The following SPAG17 variants were observed in gnomAD, a reference collection of about 807,000 sequenced individuals.
SPAG17 encodes the protein sperm associated antigen 17, also known as sperm-associated antigen 17.
In SPAG17, 169 loss-of-function variants were observed where a neutral mutation model predicts 273.6. The observed-to-expected ratio is 0.62, with a 90% CI of 0.55 to 0.70. The LOEUF (loss-of-function observed/expected upper bound fraction) is 0.70. SPAG17 is among the 30% of genes least tolerant of loss of function. The pLI is 0.00. For synonymous variants in SPAG17, 825 were observed against 873.2 expected (o/e 0.94, Z 0.97); for missense variants, 2,557 against 2,627.8 (o/e 0.97, Z 0.59).
At chr1:118,153,802 A>G (rs1570792338) in intron 1 of SPAG17, among the ~76,000 whole-genome samples, 1 of 152,104 alleles carries the variant, frequency 6.6e-6, no homozygotes, top group South Asian at 2.1e-4. Flanking sequence ...CTGAGATCGC[A>G]CCACTGCACT....
At chr1:118,116,937 GC>G (rs1043531351) in intron 3 of SPAG17, among the ~76,000 whole-genome samples, 13 of 152,240 alleles carry the variant, frequency 8.5e-5, no homozygotes, top group African/African-American at 3.1e-4. Flanking sequence ...GAAAAACATA[GC>G]AGTACACCTG....
In SPAG17 at chr1:117,981,313, G is replaced by A; in HGVS notation, c.5961C>T (p.Phe1987=). The A allele has an allele frequency of 6.3e-7, 1 of 1,596,942 alleles. No individual in the cohort carries two copies. Among genetic ancestry groups the A allele is most frequent in the Admixed American group, 1.8e-5 (1 of 54,096 alleles). The stretch of plus-strand genomic sequence containing the variant: ...AATTTTCAGTTTGGTTCTGAGCAGT[G>A]AAATCCTTCTTATCTGCAGAAATCT... ...KPEISADKKD[F]TAQNQTENLT... The change falls in exon 43 of 49, where the codon TTC becomes TTT. Residue 1987 remains phenylalanine (F), a synonymous_variant. Transcript: ENST00000336338.
At chr1:118,036,579 A>G (rs545335960) in intron 24 of SPAG17, 191 bp downstream of exon 24, 1 of 391,114 alleles carries the variant, frequency 2.6e-6, no homozygotes, top group East Asian at 4.2e-5. Context: ...ATATATATAT[A>G]TACTGTATAC....
chr1:118,054,702 A>G (rs1651455268), intron 19 of SPAG17, among the ~76,000 whole-genome samples: 1 of 152,074 alleles, frequency 6.6e-6, no homozygotes. Flanking sequence ...TTTTTTTAAA[A>G]AATATAGTCC....
At chr1:118,184,970 A>T in intron 1 of SPAG17, 101 bp downstream of exon 1, 1 of 975,168 alleles carries the variant, frequency 1.0e-6, no homozygotes, top group Non-Finnish European at 1.6e-6. Flanking sequence ...CCACGGAGAG[A>T]TACGGAAGAG....
At position 118,163,387 on chromosome 1, in the gene SPAG17, T is replaced by C. The variant is rs528103900; in HGVS notation, c.88-12018A>G. On this transcript the variant is annotated intron_variant, in intron 1 of 48. Transcript: ENST00000336338. Reference sequence around the variant, plus strand: ...GTCCTGCTTGTCCACTGTCTGTCTATGTGGTGACCTCATTCCCACTGCCTG... The same window carrying C: ...GTCCTGCTTGTCCACTGTCTGTCTACGTGGTGACCTCATTCCCACTGCCTG... Among the ~76,000 whole-genome samples, 459 of 152,260 alleles carry C rather than the reference T, an allele frequency of 3.0e-3. 3 individuals carry two copies. Among genetic ancestry groups the C allele is most frequent in the African/African-American group, 0.011 (438 of 41,542 alleles).
rs764442663 is a variant in SPAG17 at position 117,966,780 on chromosome 1, C to G, written c.6388-27G>C. ...TATAAGACACAAGGTAGCTTTAGGA[C>G]CAGACAACTCTGAGTTCAAACCTTG... On this transcript the variant is annotated intron_variant, in intron 46 of 48. Transcript: ENST00000336338. 5 of 1,571,112 alleles carry G rather than the reference C, an allele frequency of 3.2e-6. No individual in the cohort carries two copies. In the East Asian group the frequency reaches 1.1e-4, roughly 36 times the overall value.
At chr1:118,120,533 A>G (rs965745145) in intron 3 of SPAG17, among the ~76,000 whole-genome samples, 12 of 152,314 alleles carry the variant, frequency 7.9e-5, no homozygotes, top group African/African-American at 2.9e-4. Flanking sequence ...TTATTAATGC[A>G]GGAGATGCTT....
At chr1:118,019,895 AT>A (rs1269553071) in intron 28 of SPAG17, among the ~76,000 whole-genome samples, 5 of 152,228 alleles carry the variant, frequency 3.3e-5, no homozygotes, top group African/African-American at 1.2e-4. Context: ...ACATAAAGAC[AT>A]TTTTAGAAAT....
At chr1:118,172,696 C>T (rs1170044114) in intron 1 of SPAG17, among the ~76,000 whole-genome samples, 1 of 152,050 alleles carries the variant, frequency 6.6e-6, no homozygotes, top group African/African-American at 2.4e-5. Context: ...ACAAAAGGCC[C>T]ATATTTTAAT....
At chr1:117,974,489 A>G (rs995111171) in intron 43 of SPAG17, among the ~76,000 whole-genome samples, 7 of 152,158 alleles carry the variant, frequency 4.6e-5, no homozygotes, top group African/African-American at 1.7e-4. Context: ...ATATAATACA[A>G]TACAACATTA....
At chr1:118,041,326 G>T (rs936544345) in intron 21 of SPAG17, among the ~76,000 whole-genome samples, 1 of 152,030 alleles carries the variant, frequency 6.6e-6, no homozygotes, top group Non-Finnish European at 1.5e-5. Flanking sequence ...GGGGATGTTA[G>T]ATTTCTTTCC....
chr1:118,000,144 G>A (rs758899714), intron 32 of SPAG17, among the ~76,000 whole-genome samples: 8 of 152,164 alleles, frequency 5.3e-5, no homozygotes, highest in African/African-American at 1.7e-4. Flanking sequence ...GATGTGTGGT[G>A]TTATTTCTGA....
At chr1:118,001,140 G>A (rs1658237348) in intron 32 of SPAG17, among the ~76,000 whole-genome samples, 1 of 152,182 alleles carries the variant, frequency 6.6e-6, no homozygotes, top group East Asian at 1.9e-4. Context: ...GTTTGCGTAT[G>A]TTGAACCAGC....
intron 32 of SPAG17, among the ~76,000 whole-genome samples, chr1:118,000,408 T>C (rs1167309809): frequency 6.6e-6 from 1 of 152,198 alleles, no homozygotes; most frequent in Non-Finnish European, 1.5e-5. Context: ...ATAAATTACC[T>C]TGGGCAGTAT....
At chr1:118,104,921 T>C (rs1479776928) in intron 4 of SPAG17, among the ~76,000 whole-genome samples, 4 of 152,096 alleles carry the variant, frequency 2.6e-5, no homozygotes, top group East Asian at 1.9e-4. Flanking sequence ...AAGGTATGTA[T>C]ATATGTAAAG....
At chr1:118,029,014 G>C (rs1428608523) in intron 25 of SPAG17, among the ~76,000 whole-genome samples, 1 of 152,172 alleles carries the variant, frequency 6.6e-6, no homozygotes, top group Non-Finnish European at 1.5e-5. Context: ...ACTTGAAAGA[G>C]TGAGTTGGGT....
chr1:117,981,233 G>A (rs781642839), intron 43 of SPAG17, 37 bp downstream of exon 43: 2 of 1,534,966 alleles, frequency 1.3e-6, no homozygotes, highest in South Asian at 1.3e-5. Flanking sequence ...ATAATGTTCA[G>A]TTTCAAGAAG....
intron 15 of SPAG17, among the ~76,000 whole-genome samples, chr1:118,079,563 T>C (rs1340218062): frequency 2.0e-5 from 3 of 151,340 alleles, no homozygotes; most frequent in South Asian, 2.1e-4. Flanking sequence ...TATGTTTCTA[T>C]GTTTTCTATT....
Sources: gnomAD v4.1 joint callset for allele counts (sites outside exome capture counted in the v4.1 genomes callset) on GRCh38, gnomAD v4.1.1 for gene constraint, MANE v1.5 for transcripts, NCBI Gene and HGNC (gene_info 2026-07-23, HGNC 2026-07-21) for gene names.